Variants in WDR37 observed in about 807,000 individuals in gnomAD.
The protein encoded by WDR37 is WD repeat domain 37.
Under a neutral mutation model 62.9 loss-of-function variants are expected in WDR37, and 19 were observed. That is an observed-to-expected ratio of 0.30 (90% confidence interval 0.21 to 0.44). WDR37 has a LOEUF of 0.44. Ranked by LOEUF, WDR37 falls within the 20% of genes least tolerant of loss-of-function variation. The pLI, the probability that WDR37 is intolerant of heterozygous loss-of-function variation, is 1.00. For missense variants in WDR37, 474 were observed against 657.6 expected (o/e 0.72, Z 3.05); for synonymous variants, 250 against 260.9 (o/e 0.96, Z 0.40).
At position 1,105,392 on chromosome 10, in the gene WDR37, A is replaced by G. The variant is rs1217076749; in HGVS notation, c.1103+125A>G. ...TCTACTATCTTTCAAAAAAATAACT[A>G]CCTTTCAAATTCTGCTATTCTTTTT... On this transcript the variant is annotated intron_variant, in intron 11 of 13. Transcript: ENST00000263150. This position sits in a 1 kb window ranked among gnomAD's most constrained non-coding sequence, Gnocchi z 5.3. 1.6e-6 allele frequency: 2 copies of G among 1,232,602 alleles called. No homozygotes were observed. The highest frequency in any genetic ancestry group is 2.2e-6 in the Non-Finnish European group (2 of 898,958). The allele number at this position is 1,232,602 out of a possible 1,614,324, so 76.4% of individuals were successfully genotyped here. A position where few individuals can be genotyped will look rare whatever the true frequency, so the allele number is the denominator to read the frequency against.
chr10:1,093,128 G>T (rs531262689), intron 7 of WDR37, among the ~76,000 whole-genome samples: 1 of 151,984 alleles, frequency 6.6e-6, no homozygotes, highest in Non-Finnish European at 1.5e-5. Flanking sequence ...GTCTTCACCC[G>T]TTGTCATAAT....
chr10:1,095,907 C>T (rs1465165884), intron 8 of WDR37, among the ~76,000 whole-genome samples: 1 of 152,192 alleles, frequency 6.6e-6, no homozygotes, highest in East Asian at 1.9e-4. Context: ...TTTCTCTGAA[C>T]TTCCAGGACT....
chr10:1,077,053 G>T (rs191000971), intron 2 of WDR37, among the ~76,000 whole-genome samples: 1 of 152,054 alleles, frequency 6.6e-6, no homozygotes, highest in Non-Finnish European at 1.5e-5. Flanking sequence ...AATATTTGAT[G>T]GGGATTTTTT....
At chr10:1,072,502 C>T (rs962736493) in intron 2 of WDR37, among the ~76,000 whole-genome samples, 1 of 152,146 alleles carries the variant, frequency 6.6e-6, no homozygotes, top group Non-Finnish European at 1.5e-5. Flanking sequence ...TTAGTAGAGA[C>T]AGGGTTTCAC....
chr10:1,099,320 C>A (rs888426456), intron 9 of WDR37, among the ~76,000 whole-genome samples: 1 of 152,202 alleles, frequency 6.6e-6, no homozygotes, highest in Non-Finnish European at 1.5e-5. Context: ...GGGAACAGTG[C>A]CAGGCAGACA....
chr10:1,122,571 C>T (rs904816899), intron 11 of WDR37, among the ~76,000 whole-genome samples: 4 of 152,212 alleles, frequency 2.6e-5, no homozygotes, highest in Admixed American at 2.6e-4. Flanking sequence ...GCCCCCTGGC[C>T]GTTGCTGAAG....
intron 7 of WDR37, among the ~76,000 whole-genome samples, chr10:1,091,144 A>G (rs1014704824): frequency 6.6e-6 from 1 of 152,176 alleles, no homozygotes; most frequent in Non-Finnish European, 1.5e-5. Flanking sequence ...TCCCGTCACC[A>G]TGTGCCTGCC....
At chr10:1,091,888 A>G (rs2131640132) in intron 7 of WDR37, among the ~76,000 whole-genome samples, 1 of 152,348 alleles carries the variant, frequency 6.6e-6, no homozygotes, top group Middle Eastern at 3.4e-3. Flanking sequence ...TCCTTTTTCA[A>G]GAAAATGATA....
intron 7 of WDR37, among the ~76,000 whole-genome samples, chr10:1,093,224 TTTCCTGGGG>T (rs1834460849): frequency 6.6e-6 from 1 of 152,200 alleles, no homozygotes; most frequent in African/African-American, 2.4e-5. Flanking sequence ...TGAATATCCT[TTTCCTGGGG>T]TCCTAAACTA....
chr10:1,077,740 T>C (rs1205406335), intron 2 of WDR37, among the ~76,000 whole-genome samples, 167 bp from the exon 3 acceptor site: 1 of 152,246 alleles, frequency 6.6e-6, no homozygotes, highest in Non-Finnish European at 1.5e-5. Flanking sequence ...TATAGTCTCC[T>C]TGGCAGAAAT....
intron 2 of WDR37, among the ~76,000 whole-genome samples, chr10:1,076,037 C>T (rs939925927): frequency 6.6e-6 from 1 of 152,192 alleles, no homozygotes; most frequent in Non-Finnish European, 1.5e-5. Context: ...ACCTTGGCCT[C>T]CCAAAGTGCT....
chr10:1,078,526 C>G (rs1833942026), intron 3 of WDR37, among the ~76,000 whole-genome samples: 1 of 152,146 alleles, frequency 6.6e-6, no homozygotes, highest in Non-Finnish European at 1.5e-5. Flanking sequence ...CATGTTTTTG[C>G]TTTTGGTTCT....
chr10:1,102,033 C>T (rs555428901), intron 9 of WDR37, among the ~76,000 whole-genome samples: 1 of 151,176 alleles, frequency 6.6e-6, no homozygotes, highest in Non-Finnish European at 1.5e-5. Context: ...CTGTGCGTCC[C>T]TGTGACGTGC....
chr10:1,114,043 G>T (rs563141615), intron 11 of WDR37, among the ~76,000 whole-genome samples: 45 of 129,832 alleles, frequency 3.5e-4, no homozygotes, highest in Non-Finnish European at 5.3e-4. Flanking sequence ...TGCAACCTCC[G>T]CCTCCCAGGT....
At chr10:1,122,604 T>C (rs1835622283) in intron 11 of WDR37, among the ~76,000 whole-genome samples, 1 of 152,264 alleles carries the variant, frequency 6.6e-6, no homozygotes, top group South Asian at 2.1e-4. Flanking sequence ...CATGCCTGGA[T>C]TGTGTGCCCT....
chr10:1,098,418 C>T (rs546355377), intron 9 of WDR37, among the ~76,000 whole-genome samples: 1 of 151,530 alleles, frequency 6.6e-6, no homozygotes, highest in East Asian at 1.9e-4. Context: ...ACCTCCACCT[C>T]CCGGGTTCAA....
rs1014768357 is a variant in WDR37 at position 1,108,748 on chromosome 10, C to CG, written c.1103+3481_1103+3482insG. Among the ~76,000 whole-genome samples the CG allele has an allele frequency of 3.0e-4, 42 of 140,980 alleles. 3 individuals carry two copies. The highest frequency in any genetic ancestry group is 1.1e-3 in the African/African-American group (41 of 36,986). 92.5% of individuals were successfully genotyped at this position (140,980 alleles called of 152,430 possible). A position where few individuals can be genotyped will look rare whatever the true frequency, so the allele number is the denominator to read the frequency against. The stretch of plus-strand genomic sequence containing the variant: ...TTTTGGCTTCTGTGATGCCCCCCCC[C>CG]CCCGTGGAACCTGCAGGGCCCTGAG... On this transcript the variant is annotated intron_variant, in intron 11 of 13. Transcript: ENST00000263150.
chr10:1,092,594 G>A (rs67388830), intron 7 of WDR37, among the ~76,000 whole-genome samples: 59,432 of 151,220 alleles, frequency 0.39, 12,027 homozygotes, highest in African/African-American at 0.47. Context: ...TCCTGACCTC[G>A]TGATCTGCCC....
chr10:1,066,867 G>A (rs189506918), intron 1 of WDR37, among the ~76,000 whole-genome samples: 8 of 152,330 alleles, frequency 5.3e-5, no homozygotes, highest in East Asian at 1.9e-4. Context: ...CACATTCTGC[G>A]TGGATGGCGG....
Sources: gnomAD v4.1 joint callset for allele counts (sites outside exome capture counted in the v4.1 genomes callset) on GRCh38, gnomAD v4.1.1 for gene constraint, Gnocchi (gnomAD v3.1) non-coding constraint, MANE v1.5 for transcripts, NCBI Gene and HGNC (gene_info 2026-07-23, HGNC 2026-07-21) for gene names.